The following NUP107 variants were observed in gnomAD, a reference collection of about 807,000 sequenced individuals.
The protein encoded by NUP107 is nuclear pore complex protein Nup107.
NUP107 carries 101 observed loss-of-function variants against 141.0 expected under a neutral mutation model. That is an observed-to-expected ratio of 0.72 (90% CI 0.61 to 0.84). NUP107 has a LOEUF of 0.84. NUP107 is among the 40% of genes least tolerant of loss of function. The pLI, the probability that NUP107 is intolerant of heterozygous loss-of-function variation, is 0.00. For synonymous variants in NUP107, 319 were observed against 363.9 expected (o/e 0.88, Z 1.41); for missense variants, 941 against 1,102.7 (o/e 0.85, Z 2.08).
chr12:68,712,338 C>G (rs576281470), intron 10 of NUP107, among the ~76,000 whole-genome samples: 1 of 149,184 alleles, frequency 6.7e-6, no homozygotes, highest in East Asian at 2.0e-4. Flanking sequence ...CAAAAATTAG[C>G]CAGTCGTGGT....
chr12:68,721,053 A>C (rs1877327861), intron 14 of NUP107, 65 bp from the exon 15 acceptor site: 1 of 1,085,596 alleles, frequency 9.2e-7, no homozygotes, highest in South Asian at 1.3e-5. Flanking sequence ...ACTCCACATT[A>C]TGAGGAAAAT....
chr12:68,730,782 T>C (rs544760094), intron 20 of NUP107, among the ~76,000 whole-genome samples: 1 of 151,956 alleles, frequency 6.6e-6, no homozygotes, highest in African/African-American at 2.4e-5. Context: ...CTGGGCAGCA[T>C]AGTGAAAAGC....
Position 68,688,972 on chromosome 12 carries a change from G to C in NUP107, c.19G>C (p.Gly7Arg), listed in dbSNP as rs1032759772. 6.2e-7 allele frequency: 1 copy of C among 1,612,506 alleles called. No homozygotes were observed. The highest frequency in any genetic ancestry group is 8.5e-7 in the Non-Finnish European group (1 of 1,178,812). The stretch of plus-strand genomic sequence containing the variant: ...ATTATACTACTTTAGGAGTGGCTTT[G>C]GAGAGATATCATCCCCTGTAATCCG... MDRSGF[G>R]EISSPVIREA... is the part of the protein sequence containing the mutation. The change falls in exon 2 of 28, where the codon GGA becomes CGA. Residue 7 changes from glycine (G) to arginine (R), a missense_variant. Physicochemically the swap from Gly to Arg is moderately radical, Grantham distance 125. Coordinates refer to ENST00000229179, the MANE Select transcript of NUP107 (RefSeq NM_020401.4).
chr12:68,705,860 T>G (rs895791328), intron 8 of NUP107: 6 of 790,976 alleles, frequency 7.6e-6, no homozygotes, highest in African/African-American at 3.4e-5. Context: ...CTGAGCCCCC[T>G]TAACCTGGAG....
Position 68,696,850 on chromosome 12 carries a change from G to T in NUP107, c.480G>T (p.Gln160His). The part of the protein sequence containing the change: ...ASMSMFSDFL[Q>H]SFLKHSSSTV... ...TGAGTATGTTTTCTGATTTCCTGCAGTCTTTTCTGAAGCACTCTTCGAGTA... is the reference window on the plus strand; with the variant it reads ...TGAGTATGTTTTCTGATTTCCTGCATTCTTTTCTGAAGCACTCTTCGAGTA... Residue 160 changes from glutamine to histidine, a missense_variant, in exon 6 of 28, where the codon CAG (glutamine) becomes CAT (histidine). Coordinates refer to ENST00000229179, the MANE Select transcript of NUP107 (RefSeq NM_020401.4). 1 of 1,602,166 alleles carries T rather than the reference G, an allele frequency of 6.2e-7. No homozygotes were observed.
In NUP107 at chr12:68,696,939, C is replaced by T; in HGVS notation, c.552+17C>T. 1 of 1,448,304 alleles carries T rather than the reference C, an allele frequency of 6.9e-7. No homozygotes were observed. The allele number at this position is 1,448,304 out of a possible 1,614,324, so 89.7% of individuals were successfully genotyped here. A position where few individuals can be genotyped will look rare whatever the true frequency, so the allele number is the denominator to read the frequency against. The stretch of plus-strand genomic sequence containing the variant: ...GGTAGTCAGGTAAGCTAATTTCACT[C>T]CGTCGTTAGTCAAACTTCAGTATTT... On this transcript the variant is annotated intron_variant, in intron 6 of 27. Transcript: ENST00000229179.
At chr12:68,715,556 TTGA>T in intron 11 of NUP107, 68 bp from the exon 12 acceptor site, 2 of 806,602 alleles carry the variant, frequency 2.5e-6, no homozygotes, top group Middle Eastern at 2.4e-4. Flanking sequence ...TTATCATCTC[TTGA>T]TGATGTGTAA....
intron 12 of NUP107, 24 bp from the exon 13 acceptor site, chr12:68,719,317 G>C (rs1158832295): frequency 5.7e-6 from 9 of 1,590,166 alleles, no homozygotes; most frequent in Non-Finnish European, 7.8e-6. Context: ...TTATTGGACT[G>C]ACTGCTCTTT....
intron 14 of NUP107, 109 bp from the exon 15 acceptor site, chr12:68,721,009 A>C: frequency 1.7e-6 from 1 of 602,058 alleles, no homozygotes. Flanking sequence ...AAAAACTATC[A>C]AGTGAATAGG....
chr12:68,707,968 C>A (rs1304251583), intron 8 of NUP107, among the ~76,000 whole-genome samples: 1 of 151,942 alleles, frequency 6.6e-6, no homozygotes, highest in East Asian at 1.9e-4. Flanking sequence ...TGGTGGCAGG[C>A]ACCTCCCTTC....
chr12:68,730,214 CT>C (rs756700880), intron 20 of NUP107, among the ~76,000 whole-genome samples: 51 of 85,378 alleles, frequency 6.0e-4, no homozygotes, highest in Middle Eastern at 0.01. Context: ...GTGATACTAC[CT>C]TTTTTTTTTT....
At chr12:68,707,701 A>T (rs1479829371) in intron 8 of NUP107, among the ~76,000 whole-genome samples, 1 of 152,232 alleles carries the variant, frequency 6.6e-6, no homozygotes, top group Non-Finnish European at 1.5e-5. Context: ...TAGCATTTAC[A>T]TTATATTAGA....
At chr12:68,731,089 T>G (rs1489679056) in intron 20 of NUP107, 21 bp from the exon 21 acceptor site, 1 of 1,502,614 alleles carries the variant, frequency 6.7e-7, no homozygotes, top group African/African-American at 1.4e-5. Context: ...TGACATACTT[T>G]GATCTTTTTC....
chr12:68,708,203 T>C (rs553226599), intron 8 of NUP107, among the ~76,000 whole-genome samples: 1 of 152,262 alleles, frequency 6.6e-6, no homozygotes, highest in Admixed American at 6.5e-5. Flanking sequence ...CCCCCATGGA[T>C]ACCAAGGGAC....
chr12:68,688,772 G>C (rs1875627963), intron 1 of NUP107, among the ~76,000 whole-genome samples, 190 bp from the exon 2 acceptor site: 1 of 152,216 alleles, frequency 6.6e-6, no homozygotes, highest in Non-Finnish European at 1.5e-5. Flanking sequence ...GGTAAGATTT[G>C]AGTAAGGCTT....
intron 20 of NUP107, among the ~76,000 whole-genome samples, chr12:68,729,174 C>T (rs1277015669): frequency 2.6e-5 from 4 of 152,156 alleles, no homozygotes; most frequent in Non-Finnish European, 5.9e-5. Flanking sequence ...CACTTGAGCT[C>T]ACCCCAGTAG....
intron 5 of NUP107, among the ~76,000 whole-genome samples, chr12:68,696,387 C>A (rs796282583): frequency 2.4e-4 from 34 of 144,364 alleles, no homozygotes; most frequent in African/African-American, 8.2e-4. Flanking sequence ...TTTAATATAG[C>A]AGTGAATTTA....
At chr12:68,727,299 T>A in intron 19 of NUP107, 52 bp from the exon 20 acceptor site, 1 of 904,846 alleles carries the variant, frequency 1.1e-6, no homozygotes. Flanking sequence ...AAAAATTTTG[T>A]TACTTTCATA....
At chr12:68,702,689 T>C in intron 7 of NUP107, 47 bp from the exon 8 acceptor site, 1 of 1,339,986 alleles carries the variant, frequency 7.5e-7, no homozygotes, top group Non-Finnish European at 1.0e-6. Context: ...AAGTTCATTA[T>C]ATTCGTGTGA....
Sources: gnomAD v4.1 joint callset for allele counts (sites outside exome capture counted in the v4.1 genomes callset) on GRCh38, gnomAD v4.1.1 for gene constraint, MANE v1.5 for transcripts, NCBI Gene and HGNC (gene_info 2026-07-23, HGNC 2026-07-21) for gene names.